IPO8: variants seen among roughly 807,000 people sequenced by gnomAD.
The protein encoded by IPO8 is importin 8, also known as importin-8.
A neutral mutation model predicts 141.2 loss-of-function variants in IPO8; 65 were observed. The ratio of observed to expected loss-of-function variants is 0.46; its 90% CI spans 0.38 to 0.57. The LOEUF is 0.57. IPO8 is among the 20% of genes least tolerant of loss of function. The probability of loss-of-function intolerance (pLI) is 0.00; values close to 1 mark genes in which losing one functional copy is unlikely to be tolerated. For missense variants in IPO8, 980 were observed against 1,246.8 expected, an observed-to-expected ratio of 0.79 and a Z score of 3.22; for synonymous variants, 411 against 420.3, an observed-to-expected ratio of 0.98 and a Z score of 0.27.
In IPO8 at chr12:30,652,983, G is replaced by A. The variant is rs1411270065; in HGVS notation, c.2058C>T (p.Cys686=). 6.2e-7 allele frequency: 1 copy of A among 1,609,510 alleles called. No individual in the cohort carries two copies. The highest frequency in any genetic ancestry group is 8.5e-7 in the Non-Finnish European group (1 of 1,178,130). ...GILYEVFQQD[C]FEYFTDMMPL... ...AAGCCATACCTGTAAAGTATTCAAA[G>A]CAATCCTGCTGAAACACTTCATATA... The change falls in exon 18 of 25, where the codon TGC becomes TGT. Residue 686 remains cysteine (C), a synonymous_variant. Coordinates refer to ENST00000256079, the MANE Select transcript of IPO8 (RefSeq NM_006390.4).
intron 17 of IPO8, among the ~76,000 whole-genome samples, chr12:30,656,029 G>A (rs1354609985): frequency 1.3e-5 from 2 of 152,100 alleles, no homozygotes; most frequent in Non-Finnish European, 2.9e-5. Context: ...TACCATAATA[G>A]ATAATAGGAC....
chr12:30,631,936 T>C lies in IPO8; in HGVS notation c.2975A>G (p.Gln992Arg), dbSNP rs771040869. Residue 992 changes from glutamine to arginine, a missense_variant, in exon 24 of 25, where the codon CAG (glutamine) becomes CGG (arginine). Transcript: ENST00000256079. Reference protein sequence around the residue: ...PLSEDQRTALQEVYTLAEHRR... With the variant: ...PLSEDQRTALREVYTLAEHRR... ...GTGCTCTGCCAGTGTGTACACCTCC[T>C]GCAGTGCTGTCCTCTGATCCTCGCT... 10 of 1,613,036 alleles carry C rather than the reference T, an allele frequency of 6.2e-6. No individual in the cohort carries two copies. Among genetic ancestry groups the C allele is most frequent in the Non-Finnish European group, 8.5e-6 (10 of 1,179,942 alleles).
rs1364320769 is a variant in IPO8, at chr12:30,649,227, T to A, written c.2178A>T (p.Leu726=). 1.2e-6 allele frequency: 2 copies of A among 1,610,990 alleles called. No homozygotes were observed. The highest frequency in any genetic ancestry group is 1.7e-5 in the Admixed American group (1 of 59,942). ...EILFTMCRKV[L]CGDAGEDAEC... The stretch of plus-strand genomic sequence containing the variant: ...CTGCATCTTCTCCTGCATCTCCACA[T>A]AGTACCTGCAGTAATTACAATTTAG... Residue 726 remains leucine, a synonymous_variant, in exon 20 of 25, where the codon CTA becomes CTT. Transcript: ENST00000256079.
intron 20 of IPO8, among the ~76,000 whole-genome samples, chr12:30,648,369 C>G (rs1251280683): frequency 6.6e-6 from 1 of 152,158 alleles, no homozygotes; most frequent in Non-Finnish European, 1.5e-5. Flanking sequence ...GCCCAGAATA[C>G]GCAAATCTAT....
chr12:30,657,556 ATATTATG>A (rs1217036777), intron 16 of IPO8, among the ~76,000 whole-genome samples: 1 of 152,166 alleles, frequency 6.6e-6, no homozygotes, highest in East Asian at 1.9e-4. Context: ...CCCTTCACAC[ATATTATG>A]TGTGCAAAAT....
intron 20 of IPO8, among the ~76,000 whole-genome samples, chr12:30,640,574 T>G (rs985019036): frequency 6.6e-6 from 1 of 152,156 alleles, no homozygotes; most frequent in Non-Finnish European, 1.5e-5. Context: ...CTAGTTTAAC[T>G]CTACGTCTAC....
Position 30,684,420 on chromosome 12 carries a change from C to T in IPO8, c.204G>A (p.Trp68Ter). 1 of 1,614,040 alleles carries T rather than the reference C, an allele frequency of 6.2e-7. No individual in the cohort carries two copies. Among genetic ancestry groups the T allele is most frequent in the Non-Finnish European group, 8.5e-7 (1 of 1,179,976 alleles). The change falls in exon 3 of 25, where the codon TGG becomes TGA. Residue 68 changes from tryptophan to a stop codon, truncating the protein, a stop_gained. Transcript: ENST00000256079. LOFTEE classifies it high-confidence loss of function. ...IYLKNMVTQYWPDREPPPGEA... is the reference protein window; with the variant it reads ...IYLKNMVTQY ...CTCCTGGTGGAGGTTCTCGATCTGG[C>T]CAGTATTGTGTCACCATGTTCTTCA...
intron 21 of IPO8, among the ~76,000 whole-genome samples, chr12:30,637,423 A>G (rs2052518027): frequency 6.6e-6 from 1 of 152,186 alleles, no homozygotes; most frequent in African/African-American, 2.4e-5. Context: ...TCTTGCTGTA[A>G]TATCAATTTA....
chr12:30,658,959 C>T (rs145067319), intron 16 of IPO8, among the ~76,000 whole-genome samples: 1,481 of 140,860 alleles, frequency 0.011, 30 homozygotes, highest in East Asian at 0.088. Flanking sequence ...CGGCTCATTG[C>T]GAGCTCCGCC....
chr12:30,662,285 A>G lies in IPO8; in HGVS notation c.1755+42T>C, dbSNP rs543111587. On this transcript the variant is annotated intron_variant, in intron 15 of 24. Transcript: ENST00000256079. ...ATTTTGGAGTTTATTTAGATTACTC[A>G]AGGTTTCTAAACCAAATTAACATAA... The G allele has an allele frequency of 4.0e-5, 61 of 1,542,128 alleles. 1 individual carries two copies. In the South Asian group the frequency reaches 6.9e-4, roughly 17 times the overall value.
intron 4 of IPO8, 114 bp downstream of exon 4, chr12:30,681,545 T>C: frequency 1.0e-6 from 1 of 987,168 alleles, no homozygotes; most frequent in Non-Finnish European, 1.5e-6. Flanking sequence ...ACCCAACATT[T>C]CCCAAACTAA....
chr12:30,694,971 A>G, intron 1 of IPO8: 1 of 455,902 alleles, frequency 2.2e-6, no homozygotes, highest in South Asian at 1.5e-5. Context: ...TCTCCAACAC[A>G]TCTTACTTTG....
chr12:30,650,975 G>A (rs976689378), intron 19 of IPO8, among the ~76,000 whole-genome samples: 8 of 151,736 alleles, frequency 5.3e-5, no homozygotes, highest in Non-Finnish European at 8.8e-5. Context: ...ATAAGAATTC[G>A]ACAAATATTA....
At position 30,695,841 on chromosome 12, in the gene IPO8, C is replaced by CA. The variant is rs1436701988; in HGVS notation, c.-195dup. Reference sequence around the variant, plus strand: ...CCCCCTGTCCTCCCTTTTTCCCCCCCACAACTCGCTCTCCATTCACCGTTT... The same window carrying CA: ...CCCCCTGTCCTCCCTTTTTCCCCCCCAACAACTCGCTCTCCATTCACCGTTT... On this transcript the variant is annotated 5_prime_UTR_variant, in exon 1 of 25. It removes the in-frame stop codon of an upstream open reading frame in the 5' UTR. Transcript: ENST00000256079. The surrounding 1 kb of genome is among the most constrained non-coding windows in gnomAD (Gnocchi z 4.2). 1.6e-4 allele frequency: 84 copies of CA among 535,202 alleles called. No individual in the cohort carries two copies. Among genetic ancestry groups the CA allele is most frequent in the Middle Eastern group, 1.1e-3 (3 of 2,710 alleles). The allele number at this position is 535,202 out of a possible 1,614,324, so 33.2% of individuals were successfully genotyped here.
chr12:30,653,161 G>C, intron 17 of IPO8, 69 bp from the exon 18 acceptor site: 5 of 1,455,588 alleles, frequency 3.4e-6, no homozygotes, highest in Non-Finnish European at 4.7e-6. Context: ...ACCACACAGA[G>C]GAGGGTTTAG....
At chr12:30,651,486 C>T (rs1251728447) in intron 19 of IPO8, among the ~76,000 whole-genome samples, 1 of 152,028 alleles carries the variant, frequency 6.6e-6, no homozygotes, top group Non-Finnish European at 1.5e-5. Flanking sequence ...TACGGCCAAA[C>T]GTTTTGGTTT....
chr12:30,688,436 A>G (rs2053263136), intron 2 of IPO8: 1 of 441,516 alleles, frequency 2.3e-6, no homozygotes, highest in Admixed American at 2.5e-5. Flanking sequence ...TTGCAGATGT[A>G]TTTCCACTTA....
chr12:30,652,396 T>C, intron 18 of IPO8, 107 bp from the exon 19 acceptor site: 1 of 682,690 alleles, frequency 1.5e-6, no homozygotes, highest in Non-Finnish European at 2.6e-6. Context: ...TATCTTCCCA[T>C]GCAACCACAA....
rs769867730 is a variant in IPO8 at position 30,671,073 on chromosome 12, T to C, written c.933A>G (p.Gln311=). ...IQQVLLKILD[Q]YRQKEYVAPR... is the part of the protein sequence containing the mutation. ...GAGCTACATATTCTTTCTGTCTATA[T>C]TGATCTAAAATTTTTAGTAGCACCT... is the stretch of plus-strand genomic sequence containing the variant. The change falls in exon 9 of 25, where the codon CAA becomes CAG. Residue 311 remains glutamine (Q), a synonymous_variant. Coordinates refer to ENST00000256079, the MANE Select transcript of IPO8 (RefSeq NM_006390.4). 1.9e-6 allele frequency: 3 copies of C among 1,602,256 alleles called. No individual in the cohort carries two copies. The highest frequency in any genetic ancestry group is 3.3e-4 in the Middle Eastern group (2 of 6,054).
Sources: gnomAD v4.1 joint callset for allele counts (sites outside exome capture counted in the v4.1 genomes callset) on GRCh38, gnomAD v4.1.1 for gene constraint, Gnocchi (gnomAD v3.1) non-coding constraint, MANE v1.5 for transcripts, NCBI Gene and HGNC (gene_info 2026-07-23, HGNC 2026-07-21) for gene names.